Variants in NXPE3 observed in about 807,000 individuals in gnomAD.
NXPE3 encodes neurexophilin and PC-esterase domain family member 3, also known as NXPE family member 3.
NXPE3 carries 26 observed loss-of-function variants against 46.1 expected under a neutral mutation model. The ratio of observed to expected loss-of-function variants is 0.56; its 90% CI spans 0.41 to 0.78. The LOEUF (loss-of-function observed/expected upper bound fraction) is 0.78, where lower values mean the gene tolerates loss of function less well. Ranked by LOEUF, NXPE3 falls within the 30% of genes least tolerant of loss-of-function variation. The pLI is 0.00. For synonymous variants in NXPE3, 272 were observed against 257.9 expected (o/e 1.05, Z -0.52); for missense variants, 620 against 686.0 (o/e 0.90, Z 1.07).
Position 101,801,396 on chromosome 3 carries a change from G to GAA in NXPE3, c.255_256insAA (p.His86AsnfsTer14). The GAA allele has an allele frequency of 6.2e-7, 1 of 1,614,228 alleles. No individual in the cohort carries two copies. On this transcript the variant is annotated frameshift_variant, in exon 5 of 8. Coordinates refer to ENST00000273347, the MANE Select transcript of NXPE3 (RefSeq NM_145037.4). LOFTEE classifies it high-confidence loss of function. ...AGGAGGACTCCTTGCTGGCTGCCTT[G>GAA]CACCGGCAGGTTCCTGATGTGGGCC...
At position 101,785,520 on chromosome 3, in the gene NXPE3, GA is replaced by G. The variant is rs767360210; in HGVS notation, c.-73del. On this transcript the variant is annotated 5_prime_UTR_variant, in exon 4 of 8. An upstream open reading frame in the 5' UTR loses its in-frame stop. Transcript: ENST00000273347. ...AAACTGAAAGCTCATCTGCAGCTCA[GA>G]AAAGCAAAGACATGGAATTTTAAAG... is the stretch of plus-strand genomic sequence containing the variant. 703 of 1,334,228 alleles carry G rather than the reference GA, an allele frequency of 5.3e-4. 1 individual carries two copies. Among genetic ancestry groups the G allele is most frequent in the Non-Finnish European group, 6.9e-4 (635 of 926,086 alleles). The allele number at this position is 1,334,228 out of a possible 1,614,324, so 82.6% of individuals were successfully genotyped here.
At chr3:101,812,322 C>T (rs1056773589) in intron 6 of NXPE3, among the ~76,000 whole-genome samples, 1 of 152,050 alleles carries the variant, frequency 6.6e-6, no homozygotes, top group Non-Finnish European at 1.5e-5. Context: ...TCTTTAATTT[C>T]GTTAACCGGG....
intron 1 of NXPE3, among the ~76,000 whole-genome samples, chr3:101,780,284 G>A (rs1364703801): frequency 6.6e-6 from 1 of 152,096 alleles, no homozygotes; most frequent in Non-Finnish European, 1.5e-5. Context: ...AATTTGTTTA[G>A]TATTTTTTTT....
At chr3:101,788,982 A>G (rs1940351221) in intron 4 of NXPE3, among the ~76,000 whole-genome samples, 1 of 152,104 alleles carries the variant, frequency 6.6e-6, no homozygotes, top group Non-Finnish European at 1.5e-5. Flanking sequence ...TATCTTTTTA[A>G]TATCTGTAGA....
chr3:101,816,857 G>A lies in NXPE3; in HGVS notation c.985G>A (p.Asp329Asn), dbSNP rs762394575. 1.9e-6 allele frequency: 3 copies of A among 1,613,920 alleles called. No individual in the cohort carries two copies. Among genetic ancestry groups the A allele is most frequent in the Admixed American group, 3.3e-5 (2 of 59,998 alleles). The change falls in exon 7 of 8, where the codon GAC becomes AAC. Residue 329 changes from aspartate to asparagine, a missense_variant. Physicochemically the swap from Asp to Asn is conservative, Grantham distance 23. Transcript: ENST00000273347. ...TTTTCCTTCTGGGTATTATTATAAA[G>A]ACCAGTGGAGGCCCAGAAAGTTTAA... The part of the protein sequence containing the change: ...GTFPSGYYYK[D>N]QWRPRKFKMR...
At chr3:101,818,715 TTATATATATA>T (rs61602305) in intron 7 of NXPE3, among the ~76,000 whole-genome samples, 1,999 of 37,794 alleles carry the variant, frequency 0.053, 84 homozygotes, top group Middle Eastern at 0.12. Flanking sequence ...ATATGACAAT[TTATATATATA>T]TATATATATA....
Position 101,816,916 on chromosome 3 carries a change from A to G in NXPE3, c.1044A>G (p.Thr348=). The G allele has an allele frequency of 6.2e-7, 1 of 1,614,182 alleles. No individual in the cohort carries two copies. The highest frequency in any genetic ancestry group is 8.5e-7 in the Non-Finnish European group (1 of 1,180,002). Residue 348 remains threonine (T), a synonymous_variant, in exon 7 of 8, where the codon ACA becomes ACG. Coordinates refer to ENST00000273347, the MANE Select transcript of NXPE3 (RefSeq NM_145037.4). ...MRQFNDPDNI[T]ECLQRKVVHL... Reference sequence around the variant, plus strand: ...AGTTTAATGACCCTGACAACATTACAGAGTGCTTACAAAGAAAAGTGGTGC... The same window carrying G: ...AGTTTAATGACCCTGACAACATTACGGAGTGCTTACAAAGAAAAGTGGTGC...
intron 3 of NXPE3, among the ~76,000 whole-genome samples, chr3:101,783,450 C>T (rs887537638): frequency 6.6e-6 from 1 of 152,198 alleles, no homozygotes; most frequent in Admixed American, 6.5e-5. Context: ...AATGTCAGTG[C>T]TCTACTTACA....
In NXPE3 at chr3:101,827,955, G is replaced by C. The variant is rs957229438; in HGVS notation, c.*6001G>C. 3.9e-5 allele frequency: 6 copies of C among 152,256 alleles called. No homozygotes were observed. In the East Asian group the frequency reaches 1.2e-3, roughly 29 times the overall value. 9.4% of individuals were successfully genotyped at this position (152,256 alleles called of 1,614,324 possible). ...CTCACTAGAGTGGAGAACTGAAAGC[G>C]AACGCTATAAAGGGCGCCAGTGAGA... On this transcript the variant is annotated 3_prime_UTR_variant, in exon 8 of 8. Coordinates refer to ENST00000273347, the MANE Select transcript of NXPE3 (RefSeq NM_145037.4).
rs1004707709 is a variant in NXPE3, at chr3:101,816,668, A to T, written c.923-127A>T. The T allele has an allele frequency of 2.8e-5, 20 of 724,114 alleles. No individual in the cohort carries two copies. In the South Asian group the frequency reaches 3.1e-4, roughly 11 times the overall value. 44.9% of individuals were successfully genotyped at this position (724,114 alleles called of 1,614,324 possible). A position where few individuals can be genotyped will look rare whatever the true frequency, so the allele number is the denominator to read the frequency against. On this transcript the variant is annotated intron_variant, in intron 6 of 7. Transcript: ENST00000273347. ...AGAAAAGTCTGGGATTTGAGGTCTG[A>T]CAGCAGGAAATGTTTCCCACATGCT...
chr3:101,818,729 A>T (rs1177349900), intron 7 of NXPE3, among the ~76,000 whole-genome samples: 6 of 18,512 alleles, frequency 3.2e-4, no homozygotes, highest in East Asian at 1.3e-3. Flanking sequence ...ATATATATAT[A>T]TATATATATA....
chr3:101,811,812 A>T (rs1466478213), intron 6 of NXPE3, among the ~76,000 whole-genome samples: 1 of 146,330 alleles, frequency 6.8e-6, no homozygotes, highest in Non-Finnish European at 1.5e-5. Flanking sequence ...CGGCTCATTA[A>T]AACTTCTGCC....
Position 101,823,927 on chromosome 3 carries a change from CA to C in NXPE3, c.*1980del. 1.3e-5 allele frequency: 2 copies of C among 151,420 alleles called. No homozygotes were observed. The highest frequency in any genetic ancestry group is 2.9e-5 in the Non-Finnish European group (2 of 67,880). The allele number at this position is 151,420 out of a possible 1,614,324, so 9.4% of individuals were successfully genotyped here. The stretch of plus-strand genomic sequence containing the variant: ...GTGCCATGGTGAAACCCCATCTCTA[CA>C]AAAAAATACAAAAACTAGCTGGGTG... On this transcript the variant is annotated 3_prime_UTR_variant, in exon 8 of 8. Coordinates refer to ENST00000273347, the MANE Select transcript of NXPE3 (RefSeq NM_145037.4).
At chr3:101,811,855 T>A (rs1230898394) in intron 6 of NXPE3, among the ~76,000 whole-genome samples, 1 of 151,858 alleles carries the variant, frequency 6.6e-6, no homozygotes, top group Non-Finnish European at 1.5e-5. Flanking sequence ...TGCCTCAGCT[T>A]CCCAAGTAGC....
Position 101,816,888 on chromosome 3 carries a change from G to T in NXPE3, c.1016G>T (p.Arg339Leu), listed in dbSNP as rs760288885. Residue 339 changes from arginine to leucine, a missense_variant, in exon 7 of 8, where the codon CGT (arginine) becomes CTT (leucine). Arg to Leu is a moderately radical substitution (Grantham distance 102). This residue lies in a region of NXPE3 where 511 missense variants were observed against 528.6 expected (regional missense o/e 0.97). Transcript: ENST00000273347. ...DQWRPRKFKMRQFNDPDNITE... is the reference protein window; with the variant it reads ...DQWRPRKFKMLQFNDPDNITE... ...TGGAGGCCCAGAAAGTTTAAGATGC[G>T]TCAGTTTAATGACCCTGACAACATT... is the stretch of plus-strand genomic sequence containing the variant. 6.2e-7 allele frequency: 1 copy of T among 1,614,070 alleles called. No individual in the cohort carries two copies. Among genetic ancestry groups the T allele is most frequent in the African/African-American group, 1.3e-5 (1 of 75,054 alleles).
chr3:101,808,677 C>A (rs1941540884), intron 6 of NXPE3, among the ~76,000 whole-genome samples: 1 of 151,580 alleles, frequency 6.6e-6, no homozygotes, highest in East Asian at 1.9e-4. Context: ...TAAATAAAAT[C>A]TGTTTGGCCC....
At position 101,816,876 on chromosome 3, in the gene NXPE3, A is replaced by G. The variant is rs1941996015; in HGVS notation, c.1004A>G (p.Lys335Arg). 6.2e-7 allele frequency: 1 copy of G among 1,614,158 alleles called. No individual in the cohort carries two copies. The highest frequency in any genetic ancestry group is 8.5e-7 in the Non-Finnish European group (1 of 1,179,980). The change falls in exon 7 of 8, where the codon AAG becomes AGG. Residue 335 changes from lysine to arginine, a missense_variant. Coordinates refer to ENST00000273347, the MANE Select transcript of NXPE3 (RefSeq NM_145037.4). ...YYYKDQWRPR[K>R]FKMRQFNDPD... The stretch of plus-strand genomic sequence containing the variant: ...TATAAAGACCAGTGGAGGCCCAGAA[A>G]GTTTAAGATGCGTCAGTTTAATGAC...
Position 101,827,699 on chromosome 3 carries a change from C to T in NXPE3, c.*5745C>T, listed in dbSNP as rs980879677. ...TTGCCTCTGATTCCTCCCTGCGGCT[C>T]CAGTCCAGGTCTTGGAGCCGGCCCT... is the stretch of plus-strand genomic sequence containing the variant. On this transcript the variant is annotated 3_prime_UTR_variant, in exon 8 of 8. Coordinates refer to ENST00000273347, the MANE Select transcript of NXPE3 (RefSeq NM_145037.4). Among the ~76,000 whole-genome samples the T allele has an allele frequency of 6.6e-6, 1 of 152,144 alleles. No homozygotes were observed. The highest frequency in any genetic ancestry group is 2.4e-5 in the African/African-American group (1 of 41,430).
chr3:101,790,017 A>C (rs1940410163), intron 4 of NXPE3, among the ~76,000 whole-genome samples: 1 of 152,200 alleles, frequency 6.6e-6, no homozygotes. Flanking sequence ...AGTGTTATTT[A>C]ACTTTCAAAT....
Sources: allele counts gnomAD v4.1 joint callset (sites outside exome capture counted in the v4.1 genomes callset), GRCh38; gene constraint gnomAD v4.1.1; regional missense constraint gnomAD v4.1.1; transcripts MANE v1.5; gene names NCBI Gene and HGNC (gene_info 2026-07-23, HGNC 2026-07-21).